SNED1: variants seen among roughly 807,000 people sequenced by gnomAD.
SNED1 encodes the protein sushi, nidogen and EGF-like domain-containing protein 1.
A neutral mutation model predicts 166.7 loss-of-function variants in SNED1; 81 were observed. That is an observed-to-expected ratio of 0.49 (90% CI 0.41 to 0.58). The LOEUF (loss-of-function observed/expected upper bound fraction) is 0.58. SNED1 is among the 20% of genes least tolerant of loss of function. SNED1 has a pLI of 0.00. For synonymous variants in SNED1, 762 were observed against 822.0 expected (o/e 0.93, Z 1.25); for missense variants, 1,604 against 2,000.2 (o/e 0.80, Z 3.78).
In SNED1 at chr2:241,053,312, CT is replaced by C; in HGVS notation, c.2244del (p.Gln750SerfsTer118). On this transcript the variant is annotated frameshift_variant, in exon 16 of 32. Coordinates refer to ENST00000310397, the MANE Select transcript of SNED1 (RefSeq NM_001080437.3). LOFTEE classifies it high-confidence loss of function. Reference sequence around the variant, plus strand: ...CAGCCACACGGTGTCTGGAGTGAGCCTCCCCAGTGCCTTGGTGATTCTGTGG... The same window carrying C: ...CAGCCACACGGTGTCTGGAGTGAGCCCCCCAGTGCCTTGGTGATTCTGTGG... ...VCQPHGVWSE[P>X]PQCLEIDECR... 1 of 1,579,750 alleles carries C rather than the reference CT, an allele frequency of 6.3e-7. No individual in the cohort carries two copies.
rs556022234 is a variant in SNED1, at chr2:241,069,114, G to A, written c.3307+91G>A. ...AGCCTCCCCTAGTCCTCTCCAAAGC[G>A]TCCACAACACCAGAAACCCAGCCCC... On this transcript the variant is annotated intron_variant, in intron 23 of 31. Transcript: ENST00000310397. This position sits in a 1 kb window ranked among gnomAD's most constrained non-coding sequence, Gnocchi z 4.9. 209 of 839,452 alleles carry A rather than the reference G, an allele frequency of 2.5e-4. No homozygotes were observed. The highest frequency in any genetic ancestry group is 2.1e-3 in the African/African-American group (120 of 58,368). 52.0% of individuals were successfully genotyped at this position (839,452 alleles called of 1,614,324 possible).
chr2:241,094,383 T>C lies in SNED1; in HGVS notation c.*2747T>C, dbSNP rs755033896. On this transcript the variant is annotated 3_prime_UTR_variant, in exon 32 of 32. Coordinates refer to ENST00000310397, the MANE Select transcript of SNED1 (RefSeq NM_001080437.3). This position sits in a 1 kb window ranked among gnomAD's most constrained non-coding sequence, Gnocchi z 4.3. ...ACGGAGTCACCGAGCTGCTTTTCTT[T>C]TGCAAAACAAAAGTCTTTTTCTTTG... 2 of 471,000 alleles carry C rather than the reference T, an allele frequency of 4.2e-6. No homozygotes were observed. The highest frequency in any genetic ancestry group is 8.8e-6 in the Non-Finnish European group (2 of 227,058). The allele number at this position is 471,000 out of a possible 1,614,324, so 29.2% of individuals were successfully genotyped here. A position where few individuals can be genotyped will look rare whatever the true frequency, so the allele number is the denominator to read the frequency against.
At position 241,089,127 on chromosome 2, in the gene SNED1, G is replaced by A. The variant is rs971154847; in HGVS notation, c.*1+725G>A. On this transcript the variant is annotated intron_variant, in intron 31 of 31. Coordinates refer to ENST00000310397, the MANE Select transcript of SNED1 (RefSeq NM_001080437.3). ...ACACTGGCATTCTTCACAATCGTTT[G>A]CAAGAGACTGGGATATACCATAGAA... 1.1e-5 allele frequency: 6 copies of A among 563,828 alleles called. No individual in the cohort carries two copies. In the East Asian group the frequency reaches 1.3e-4, roughly 13 times the overall value. The allele number at this position is 563,828 out of a possible 1,614,324, so 34.9% of individuals were successfully genotyped here. A position where few individuals can be genotyped will look rare whatever the true frequency, so the allele number is the denominator to read the frequency against.
At position 241,088,420 on chromosome 2, in the gene SNED1, C is replaced by T. The variant is rs755648416; in HGVS notation, c.*1+18C>T. On this transcript the variant is annotated intron_variant, in intron 31 of 31. Coordinates refer to ENST00000310397, the MANE Select transcript of SNED1 (RefSeq NM_001080437.3). ...ATCTTAAGGTACGTCCCTGCTGCTC[C>T]CGCCCCACTACCACAGAGCTGCTGG... The T allele has an allele frequency of 6.2e-7, 1 of 1,603,402 alleles. No homozygotes were observed. The highest frequency in any genetic ancestry group is 1.7e-5 in the Admixed American group (1 of 60,012).
At chr2:241,011,914 G>T (rs2060418193) in intron 1 of SNED1, among the ~76,000 whole-genome samples, 1 of 152,204 alleles carries the variant, frequency 6.6e-6, no homozygotes, top group Non-Finnish European at 1.5e-5. Flanking sequence ...GACAGGGCCG[G>T]CTTGTTCTGC....
intron 29 of SNED1, among the ~76,000 whole-genome samples, chr2:241,084,653 CTTGT>C (rs771277799): frequency 3.9e-5 from 6 of 152,088 alleles, no homozygotes; most frequent in Admixed American, 6.5e-5. Context: ...CAAAAATTAT[CTTGT>C]TTTAGATATT....
chr2:241,082,196 C>T lies in SNED1; in HGVS notation c.4034-81C>T, dbSNP rs189341782. ...GCCAGCCTAAGGACCCCCGGGCCCT[C>T]TCCCTTGGGCAAGGCCTCTCAAGAG... On this transcript the variant is annotated intron_variant, in intron 28 of 31. Coordinates refer to ENST00000310397, the MANE Select transcript of SNED1 (RefSeq NM_001080437.3). The T allele has an allele frequency of 2.4e-3, 2,888 of 1,179,208 alleles. 6 individuals are homozygous for T. The highest frequency in any genetic ancestry group is 4.1e-3 in the Admixed American group (211 of 51,494). The allele number at this position is 1,179,208 out of a possible 1,614,324, so 73.0% of individuals were successfully genotyped here.
Position 241,027,731 on chromosome 2 carries a change from C to CT in SNED1, c.214-2552dup, listed in dbSNP as rs1293401106. Among the ~76,000 whole-genome samples, 713 of 137,258 alleles carry CT rather than the reference C, an allele frequency of 5.2e-3. 15 individuals carry two copies. The highest frequency in any genetic ancestry group is 0.011 in the Middle Eastern group (3 of 268). 90.0% of individuals were successfully genotyped at this position (137,258 alleles called of 152,430 possible). A position where few individuals can be genotyped will look rare whatever the true frequency, so the allele number is the denominator to read the frequency against. On this transcript the variant is annotated intron_variant, in intron 1 of 31. Transcript: ENST00000310397. The stretch of plus-strand genomic sequence containing the variant: ...CTTCACCAACCCTTGTTATTTTCTT[C>CT]TGTTTTTTTTTTTTTTTTTTAAGGT...
intron 8 of SNED1, among the ~76,000 whole-genome samples, chr2:241,046,593 A>C (rs1390490464): frequency 6.6e-6 from 1 of 152,216 alleles, no homozygotes; most frequent in African/African-American, 2.4e-5. Context: ...CATTCTTCGT[A>C]AAACAAAACT....
intron 27 of SNED1, among the ~76,000 whole-genome samples, chr2:241,081,202 A>G (rs1459194702): frequency 6.6e-6 from 1 of 152,196 alleles, no homozygotes; most frequent in Non-Finnish European, 1.5e-5. Context: ...CTCTCTAGTG[A>G]GAGTTCACAG....
At chr2:241,003,315 C>T (rs1574832152) in intron 1 of SNED1, among the ~76,000 whole-genome samples, 1 of 152,190 alleles carries the variant, frequency 6.6e-6, no homozygotes, top group Non-Finnish European at 1.5e-5. Flanking sequence ...AGGCCTCAGA[C>T]GACAGCCTGG....
At chr2:241,034,431 C>T in intron 3 of SNED1, 137 bp from the exon 4 acceptor site, 1 of 801,426 alleles carries the variant, frequency 1.2e-6, no homozygotes, top group Non-Finnish European at 1.9e-6. Context: ...CCTTGGCTCC[C>T]AGGAACGGTT....
rs1037228068 is a variant in SNED1, at chr2:241,049,202, A to T, written c.1618+67A>T. 6 of 1,270,468 alleles carry T rather than the reference A, an allele frequency of 4.7e-6. No individual in the cohort carries two copies. In the African/African-American group the frequency reaches 8.8e-5, roughly 19 times the overall value. The allele number at this position is 1,270,468 out of a possible 1,614,324, so 78.7% of individuals were successfully genotyped here. A position where few individuals can be genotyped will look rare whatever the true frequency, so the allele number is the denominator to read the frequency against. ...ACAGAAGCCAGGGAGAAAGCGGTGG[A>T]TGAGGCAGGCAGAGGCCAGAGTCCC... On this transcript the variant is annotated intron_variant, in intron 11 of 31. Coordinates refer to ENST00000310397, the MANE Select transcript of SNED1 (RefSeq NM_001080437.3).
rs139897821 is a variant in SNED1, at chr2:241,039,560, CT to C, written c.1046-514del. Among the ~76,000 whole-genome samples, 5 of 152,148 alleles carry C rather than the reference CT, an allele frequency of 3.3e-5. No individual in the cohort carries two copies. The East Asian group carries it at 5.8e-4, about 18-fold the overall frequency. The stretch of plus-strand genomic sequence containing the variant: ...GAGGGAGGGCAGAGGGTGGGCTCCC[CT>C]AGCTCACTCCCACTCAGTAACTGGG... On this transcript the variant is annotated intron_variant, in intron 6 of 31. Coordinates refer to ENST00000310397, the MANE Select transcript of SNED1 (RefSeq NM_001080437.3).
chr2:241,023,247 C>A (rs1397247043), intron 1 of SNED1, among the ~76,000 whole-genome samples: 1 of 152,104 alleles, frequency 6.6e-6, no homozygotes, highest in Non-Finnish European at 1.5e-5. Context: ...GTTCTGCTTT[C>A]TTCACATCCT....
chr2:241,011,404 A>C (rs987785415), intron 1 of SNED1, among the ~76,000 whole-genome samples: 13 of 151,892 alleles, frequency 8.6e-5, no homozygotes, highest in African/African-American at 2.9e-4. Flanking sequence ...AGACCCCAGC[A>C]GACAAACACT....
chr2:241,030,677 G>C, intron 2 of SNED1, 106 bp downstream of exon 2: 1 of 1,193,326 alleles, frequency 8.4e-7, no homozygotes, highest in Middle Eastern at 2.0e-4. Context: ...GCAGTCACTG[G>C]TCCATACCCA....
chr2:241,049,902 G>A lies in SNED1; in HGVS notation c.1704G>A (p.Pro568=). The A allele has an allele frequency of 1.9e-6, 3 of 1,613,690 alleles. No individual in the cohort carries two copies. The highest frequency in any genetic ancestry group is 2.2e-5 in the East Asian group (1 of 44,876). ...AHDDSYTCEC[P]RGFHGKHCEK... is the part of the protein sequence containing the mutation. ...ACGACTCCTACACCTGCGAGTGCCCGCGCGGGTTCCACGGCAAGCACTGCG... is the reference window on the plus strand; with the variant it reads ...ACGACTCCTACACCTGCGAGTGCCCACGCGGGTTCCACGGCAAGCACTGCG... Residue 568 remains proline (P), a synonymous_variant, in exon 12 of 32, where the codon CCG becomes CCA. Coordinates refer to ENST00000310397, the MANE Select transcript of SNED1 (RefSeq NM_001080437.3).
At chr2:241,044,327 C>T (rs544959622) in intron 8 of SNED1, among the ~76,000 whole-genome samples, 2 of 152,300 alleles carry the variant, frequency 1.3e-5, no homozygotes, top group East Asian at 3.9e-4. Context: ...AGTATAAAGA[C>T]ACAGGTAATT....
Sources: allele counts gnomAD v4.1 joint callset (sites outside exome capture counted in the v4.1 genomes callset), GRCh38; gene constraint gnomAD v4.1.1; non-coding constraint Gnocchi (gnomAD v3.1); transcripts MANE v1.5; gene names NCBI Gene and HGNC (gene_info 2026-07-23, HGNC 2026-07-21).